The following CWC27 variants were observed in gnomAD, a reference collection of about 807,000 sequenced individuals.
CWC27 encodes the protein spliceosome-associated protein CWC27 homolog.
CWC27 carries 47 observed loss-of-function variants against 63.6 expected under a neutral mutation model. The ratio of observed to expected loss-of-function variants is 0.74; its 90% CI spans 0.58 to 0.94. The LOEUF (loss-of-function observed/expected upper bound fraction) is 0.94, where lower values mean the gene tolerates loss of function less well. Among genes scored for constraint, CWC27 ranks in the 40% least tolerant of loss-of-function variants. CWC27 has a pLI of 0.00. For missense variants in CWC27, 495 were observed against 554.3 expected (o/e 0.89, Z 1.07); for synonymous variants, 175 against 179.8 (o/e 0.97, Z 0.22).
At chr5:65,017,870 G>A (rs946437750) in intron 13 of CWC27, among the ~76,000 whole-genome samples, 2 of 152,206 alleles carry the variant, frequency 1.3e-5, no homozygotes, top group African/African-American at 4.8e-5. Context: ...GAACACTTCT[G>A]TATAGAACTC....
At chr5:64,894,517 C>A (rs573342465) in intron 11 of CWC27, among the ~76,000 whole-genome samples, 129 of 152,216 alleles carry the variant, frequency 8.5e-4, no homozygotes, top group African/African-American at 3.0e-3. Flanking sequence ...TAAATCTACA[C>A]CTTTTTAAAG....
chr5:64,769,026 A>G lies in CWC27; in HGVS notation c.-121A>G, dbSNP rs903389815. The G allele has an allele frequency of 1.2e-6, 1 of 817,612 alleles. No homozygotes were observed. Among genetic ancestry groups the G allele is most frequent in the Admixed American group, 2.1e-5 (1 of 48,110 alleles). 50.6% of individuals were successfully genotyped at this position (817,612 alleles called of 1,614,324 possible). A position where few individuals can be genotyped will look rare whatever the true frequency, so the allele number is the denominator to read the frequency against. ...TGTCCCTGTCTTGCGTGATATTGAC[A>G]AACTGAAGCTTTCCTGCACCACTGG... On this transcript the variant is annotated 5_prime_UTR_variant, in exon 1 of 14. Coordinates refer to ENST00000381070, the MANE Select transcript of CWC27 (RefSeq NM_005869.4).
chr5:64,972,686 A>T (rs1749149021), intron 12 of CWC27: 2 of 454,680 alleles, frequency 4.4e-6, no homozygotes, highest in African/African-American at 4.0e-5. Flanking sequence ...ATGAAATCAC[A>T]AAGTCTTCTA....
At chr5:64,801,872 C>T (rs1167166368) in intron 9 of CWC27, among the ~76,000 whole-genome samples, 1 of 152,098 alleles carries the variant, frequency 6.6e-6, no homozygotes, top group East Asian at 1.9e-4. Context: ...ATACATATGC[C>T]ACTTTTTATA....
intron 11 of CWC27, among the ~76,000 whole-genome samples, chr5:64,912,548 C>T (rs1030641454): frequency 6.6e-6 from 1 of 150,754 alleles, no homozygotes; most frequent in African/African-American, 2.4e-5. Context: ...AAACTTAGTG[C>T]AGTAGAAAAA....
At chr5:64,792,085 C>G (rs957584683) in intron 7 of CWC27, among the ~76,000 whole-genome samples, 15 of 152,060 alleles carry the variant, frequency 9.9e-5, no homozygotes, top group African/African-American at 3.6e-4. Context: ...TTTACTGTCT[C>G]TTTACTATAG....
intron 11 of CWC27, among the ~76,000 whole-genome samples, chr5:64,969,025 A>G (rs1749072445): frequency 6.6e-6 from 1 of 152,222 alleles, no homozygotes; most frequent in Non-Finnish European, 1.5e-5. Context: ...ATTGATTTGT[A>G]AGGCTTCTTT....
At chr5:64,778,309 T>C (rs1743532409) in intron 2 of CWC27, among the ~76,000 whole-genome samples, 3 of 150,486 alleles carry the variant, frequency 2.0e-5, no homozygotes, top group South Asian at 4.2e-4. Flanking sequence ...CTTGCTTTCT[T>C]TCTCTCTCTC....
chr5:65,014,314 T>C (rs1750015045), intron 13 of CWC27, among the ~76,000 whole-genome samples: 1 of 148,060 alleles, frequency 6.8e-6, no homozygotes, highest in African/African-American at 2.5e-5. Context: ...GTATATATAC[T>C]ATATATACTA....
chr5:64,874,194 C>T, intron 10 of CWC27, among the ~76,000 whole-genome samples: 1 of 115,342 alleles, frequency 8.7e-6, no homozygotes. Context: ...CAGAGTCTTG[C>T]TCTATTGCCC....
At position 64,787,010 on chromosome 5, in the gene CWC27, G is replaced by C. The variant is rs932694028; in HGVS notation, c.599+383G>C. On this transcript the variant is annotated intron_variant, in intron 6 of 13. Transcript: ENST00000381070. ...AGTCACCTTCTTCACAAGGCAGCAG[G>C]GGAGAGAGCGAGTGGGAAGGAGGAA... 3.3e-5 allele frequency among the ~76,000 whole-genome samples: 5 copies of C among 152,216 alleles called. No homozygotes were observed. The East Asian group carries it at 9.7e-4, about 29-fold the overall frequency.
intron 10 of CWC27, among the ~76,000 whole-genome samples, chr5:64,845,426 T>C (rs1197352191): frequency 6.6e-6 from 1 of 152,216 alleles, no homozygotes; most frequent in Non-Finnish European, 1.5e-5. Context: ...GAATTTAGAA[T>C]ACTACTCATA....
chr5:64,876,306 C>T (rs1746792179), intron 10 of CWC27, among the ~76,000 whole-genome samples: 1 of 152,056 alleles, frequency 6.6e-6, no homozygotes, highest in Admixed American at 6.6e-5. Flanking sequence ...TATCAACAGC[C>T]AAGCTGCTGT....
Position 64,885,461 on chromosome 5 carries a change from A to C in CWC27, c.957A>C (p.Glu319Asp). Residue 319 changes from glutamate to aspartate, a missense_variant, in exon 11 of 14, where the codon GAA becomes GAC. Glu to Asp is a conservative substitution (Grantham distance 45). This residue lies in a region of CWC27 where 463 missense variants were observed against 498.1 expected (regional missense o/e 0.93). Transcript: ENST00000381070. ...TTTATAGTGAAGAGCTCAGAAAAGA[A>C]GCAAGACAATTAAAACGGGAACTCT... is the stretch of plus-strand genomic sequence containing the variant. Reference protein sequence around the residue: ...SVSRSEELRKEARQLKRELLA... With the variant: ...SVSRSEELRKDARQLKRELLA... 3 of 1,608,326 alleles carry C rather than the reference A, an allele frequency of 1.9e-6. No homozygotes were observed. The highest frequency in any genetic ancestry group is 2.5e-6 in the Non-Finnish European group (3 of 1,177,282).
intron 10 of CWC27, among the ~76,000 whole-genome samples, chr5:64,859,063 G>T (rs775645742): frequency 3.3e-5 from 5 of 152,196 alleles, no homozygotes; most frequent in Admixed American, 3.3e-4. Flanking sequence ...AATGTTTATG[G>T]AGTACTAGTT....
At chr5:64,921,617 C>T (rs1748000410) in intron 11 of CWC27, among the ~76,000 whole-genome samples, 1 of 152,132 alleles carries the variant, frequency 6.6e-6, no homozygotes, top group Non-Finnish European at 1.5e-5. Context: ...TCCATCTTGC[C>T]AATCTGTGCC....
intron 10 of CWC27, among the ~76,000 whole-genome samples, chr5:64,826,815 A>C (rs1270021823): frequency 1.3e-5 from 2 of 151,750 alleles, no homozygotes; most frequent in African/African-American, 4.8e-5. Flanking sequence ...TTCATTATCC[A>C]AGATAAATTT....
At chr5:64,949,652 A>G (rs779807505) in intron 11 of CWC27, among the ~76,000 whole-genome samples, 2 of 152,000 alleles carry the variant, frequency 1.3e-5, no homozygotes, top group African/African-American at 2.4e-5. Flanking sequence ...CTGCCACACT[A>G]AGCTCATCTT....
At chr5:64,938,800 G>C (rs531498445) in intron 11 of CWC27, among the ~76,000 whole-genome samples, 5 of 149,764 alleles carry the variant, frequency 3.3e-5, no homozygotes, top group African/African-American at 9.8e-5. Context: ...GGCTTTGTTC[G>C]TTCCTTTGCA....
Sources: gnomAD v4.1 joint callset for allele counts (sites outside exome capture counted in the v4.1 genomes callset) on GRCh38, gnomAD v4.1.1 for gene constraint, gnomAD v4.1.1 regional missense constraint, MANE v1.5 for transcripts, NCBI Gene and HGNC (gene_info 2026-07-23, HGNC 2026-07-21) for gene names.